Variants in SEC14L5 observed in about 807,000 individuals in gnomAD.
SEC14L5 encodes SEC14 like lipid binding 5.
SEC14L5 carries 96 observed loss-of-function variants against 84.6 expected under a neutral mutation model. The ratio of observed to expected loss-of-function variants is 1.13; its 90% CI spans 0.96 to 1.34. SEC14L5 has a LOEUF of 1.34. SEC14L5 is among the 40% of genes most tolerant of loss of function. SEC14L5 has a pLI of 0.00. For synonymous variants in SEC14L5, 546 were observed against 383.4 expected (o/e 1.42, Z -4.95); for missense variants, 1,224 against 942.5 (o/e 1.30, Z -3.91).
chr16:5,007,873 T>C (rs776699852), intron 13 of SEC14L5, among the ~76,000 whole-genome samples: 47 of 150,764 alleles, frequency 3.1e-4, no homozygotes, highest in Non-Finnish European at 5.8e-4. Flanking sequence ...CCCAAAGTTC[T>C]GGGATTATAG....
chr16:4,996,844 T>C lies in SEC14L5; in HGVS notation c.781-11T>C, dbSNP rs751201112. The C allele has an allele frequency of 1.1e-5, 17 of 1,604,032 alleles. No homozygotes were observed. In the East Asian group the frequency reaches 1.1e-4, roughly 11 times the overall value. On this transcript the variant is annotated splice_polypyrimidine_tract_variant and intron_variant, in intron 7 of 15. Coordinates refer to ENST00000251170, the MANE Select transcript of SEC14L5 (RefSeq NM_014692.2). The stretch of plus-strand genomic sequence containing the variant: ...ACCGTTCTGTGGGCTTTTTACTTCT[T>C]TGTCTCTCAGATTCCCAAAGATGAG...
At chr16:4,980,197 G>C (rs1490834548) in intron 2 of SEC14L5, among the ~76,000 whole-genome samples, 1 of 152,186 alleles carries the variant, frequency 6.6e-6, no homozygotes, top group Non-Finnish European at 1.5e-5. Flanking sequence ...ACTTTATAAA[G>C]TCCTTAACAA....
At position 4,990,967 on chromosome 16, in the gene SEC14L5, C is replaced by T. The variant is rs369590826; in HGVS notation, c.474+72C>T. 10 of 1,327,216 alleles carry T rather than the reference C, an allele frequency of 7.5e-6. No individual in the cohort carries two copies. In the African/African-American group the frequency reaches 1.2e-4, roughly 16 times the overall value. The allele number at this position is 1,327,216 out of a possible 1,614,324, so 82.2% of individuals were successfully genotyped here. A position where few individuals can be genotyped will look rare whatever the true frequency, so the allele number is the denominator to read the frequency against. ...GCTCTGCCATCAACAGCTGCATGAC[C>T]CCTGGCAAGACCCTTACCCTTCCTG... On this transcript the variant is annotated intron_variant, in intron 5 of 15. Coordinates refer to ENST00000251170, the MANE Select transcript of SEC14L5 (RefSeq NM_014692.2).
Position 4,987,590 on chromosome 16 carries a change from A to C in SEC14L5, c.97A>C (p.Ile33Leu). The change falls in exon 3 of 16, where the codon ATC becomes CTC. Residue 33 changes from isoleucine to leucine, a missense_variant. Coordinates refer to ENST00000251170, the MANE Select transcript of SEC14L5 (RefSeq NM_014692.2). ...GAAGCGTTTCCCCACGTGCCCACAG[A>C]TCCCAGTCTTCCTGGGCAGCGAGGT... ...YEKRFPTCPQIPVFLGSEVLR... is the reference protein window; with the variant it reads ...YEKRFPTCPQLPVFLGSEVLR... The C allele has an allele frequency of 7.0e-6, 11 of 1,562,156 alleles. No individual in the cohort carries two copies. Among genetic ancestry groups the C allele is most frequent in the Non-Finnish European group, 9.5e-6 (11 of 1,154,312 alleles).
At chr16:4,987,500 G>T (rs527352233) in intron 2 of SEC14L5, 57 bp from the exon 3 acceptor site, 5 of 1,258,042 alleles carry the variant, frequency 4.0e-6, no homozygotes, top group South Asian at 1.4e-5. Context: ...GTCGCGCTGG[G>T]GGGGGGGGTC....
chr16:4,959,567 G>T (rs558904066), intron 2 of SEC14L5, among the ~76,000 whole-genome samples, 181 bp downstream of exon 2: 1 of 151,954 alleles, frequency 6.6e-6, no homozygotes, highest in African/African-American at 2.4e-5. Flanking sequence ...TCCTATCCTC[G>T]GCCCAGTGAC....
At chr16:4,968,073 C>T (rs957481554) in intron 2 of SEC14L5, among the ~76,000 whole-genome samples, 1 of 149,858 alleles carries the variant, frequency 6.7e-6, no homozygotes, top group African/African-American at 2.5e-5. Context: ...AGCTGGAGTG[C>T]AGTGGTGCAA....
intron 13 of SEC14L5, among the ~76,000 whole-genome samples, chr16:5,008,186 G>C (rs774192482): frequency 6.6e-6 from 1 of 152,132 alleles, no homozygotes; most frequent in Non-Finnish European, 1.5e-5. Flanking sequence ...AAAGTGTTGG[G>C]ATTATAGGCA....
chr16:5,003,341 G>A, intron 10 of SEC14L5, 61 bp from the exon 11 acceptor site: 10 of 1,313,918 alleles, frequency 7.6e-6, no homozygotes, highest in Non-Finnish European at 6.5e-6. Context: ...CCTGTGGGGA[G>A]GGTGTTGGTG....
At chr16:4,990,421 C>A (rs1955540330) in intron 4 of SEC14L5, among the ~76,000 whole-genome samples, 1 of 152,196 alleles carries the variant, frequency 6.6e-6, no homozygotes, top group Non-Finnish European at 1.5e-5. Context: ...CCTTGGGCTC[C>A]CAAAGTGCTC....
At chr16:4,959,700 A>G (rs1250062736) in intron 2 of SEC14L5, among the ~76,000 whole-genome samples, 1 of 152,206 alleles carries the variant, frequency 6.6e-6, no homozygotes, top group Non-Finnish European at 1.5e-5. Context: ...ATATAATGGC[A>G]TATCACAGTG....
intron 1 of SEC14L5, 31 bp from the exon 2 acceptor site, chr16:4,959,242 C>A (rs1031360921): frequency 2.7e-6 from 3 of 1,103,956 alleles, no homozygotes; most frequent in Non-Finnish European, 2.8e-6. Flanking sequence ...GAGGTGGGAG[C>A]TGCAACCTCA....
chr16:4,981,155 C>T (rs537514097), intron 2 of SEC14L5, among the ~76,000 whole-genome samples: 32 of 151,052 alleles, frequency 2.1e-4, no homozygotes, highest in Non-Finnish European at 3.8e-4. Flanking sequence ...CTTGCTCTGT[C>T]GCCCACGCTG....
rs201210805 is a variant in SEC14L5, at chr16:4,988,111, G to A, written c.214-38G>A. On this transcript the variant is annotated intron_variant, in intron 3 of 15. Transcript: ENST00000251170. ...TCTCCATTCCTGTGTGCTCCACGCC[G>A]CCCACCCACCTCCGCCTCCCCGCCC... 7.8e-5 allele frequency: 125 copies of A among 1,608,220 alleles called. No individual in the cohort carries two copies. In the East Asian group the frequency reaches 2.1e-3, roughly 28 times the overall value.
At chr16:5,003,031 A>G (rs1010099129) in intron 10 of SEC14L5, among the ~76,000 whole-genome samples, 7 of 152,248 alleles carry the variant, frequency 4.6e-5, no homozygotes, top group African/African-American at 1.7e-4. Flanking sequence ...CACTTGTGAT[A>G]ACCAGCTATA....
chr16:5,003,617 G>A (rs1339244673), intron 11 of SEC14L5, 44 bp downstream of exon 11: 1 of 592,402 alleles, frequency 1.7e-6, no homozygotes, highest in South Asian at 1.9e-5. Context: ...GGGGGTGGGT[G>A]GGATGGGAGG....
intron 2 of SEC14L5, among the ~76,000 whole-genome samples, chr16:4,985,287 A>G (rs1955471743): frequency 6.6e-6 from 1 of 152,046 alleles, no homozygotes; most frequent in African/African-American, 2.4e-5. Context: ...GTGCAATGGC[A>G]CAATGTCGCC....
At chr16:4,966,704 G>A (rs1310148502) in intron 2 of SEC14L5, among the ~76,000 whole-genome samples, 1 of 152,174 alleles carries the variant, frequency 6.6e-6, no homozygotes, top group Non-Finnish European at 1.5e-5. Context: ...AAGCAAACAT[G>A]TAGCAGGTGG....
At position 5,007,907 on chromosome 16, in the gene SEC14L5, C is replaced by CTT. The variant is rs1191230078; in HGVS notation, c.1572+438_1572+439dup. Among the ~76,000 whole-genome samples the CTT allele has an allele frequency of 1.5e-3, 162 of 110,082 alleles. 1 individual carries two copies. Among genetic ancestry groups the CTT allele is most frequent in the African/African-American group, 2.7e-3 (78 of 28,904 alleles). 72.2% of individuals were successfully genotyped at this position (110,082 alleles called of 152,430 possible). On this transcript the variant is annotated intron_variant, in intron 13 of 15. Coordinates refer to ENST00000251170, the MANE Select transcript of SEC14L5 (RefSeq NM_014692.2). ...AGGCGGGAGCCACGGCGCCTGGCCTCTTTTTTTTTTTTTTTTTTGAGACCG... is the reference window on the plus strand; with the variant it reads ...AGGCGGGAGCCACGGCGCCTGGCCTCTTTTTTTTTTTTTTTTTTTTGAGACCG...
Sources: allele counts gnomAD v4.1 joint callset (sites outside exome capture counted in the v4.1 genomes callset), GRCh38; gene constraint gnomAD v4.1.1; transcripts MANE v1.5; gene names NCBI Gene and HGNC (gene_info 2026-07-23, HGNC 2026-07-21).